Variants in ADGRA3 observed in about 807,000 individuals in gnomAD.
The protein encoded by ADGRA3 is adhesion G protein-coupled receptor A3.
Under a neutral mutation model 119.8 loss-of-function variants are expected in ADGRA3, and 56 were observed. The observed-to-expected ratio is 0.47, with a 90% CI of 0.38 to 0.58. The LOEUF (loss-of-function observed/expected upper bound fraction) is 0.58. Among genes scored for constraint, ADGRA3 ranks in the 20% least tolerant of loss-of-function variants. The probability of loss-of-function intolerance (pLI) is 0.00; values close to 1 mark genes in which losing one functional copy is unlikely to be tolerated. For missense variants in ADGRA3, 1,516 were observed against 1,649.0 expected (o/e 0.92, Z 1.40); for synonymous variants, 607 against 623.8 (o/e 0.97, Z 0.40).
chr4:22,419,740 ATAG>A (rs891285966), intron 12 of ADGRA3, among the ~76,000 whole-genome samples: 4 of 152,010 alleles, frequency 2.6e-5, no homozygotes, highest in African/African-American at 9.7e-5. Flanking sequence ...CTAGTCTTTT[ATAG>A]TATGTTTGTG....
intron 7 of ADGRA3, among the ~76,000 whole-genome samples, chr4:22,439,551 CTA>C (rs1437452170): frequency 1.3e-5 from 2 of 152,136 alleles, no homozygotes; most frequent in African/African-American, 4.8e-5. Context: ...GTCCGATCTC[CTA>C]AATCATTGAC....
At chr4:22,470,856 C>T (rs1365723308) in intron 2 of ADGRA3, among the ~76,000 whole-genome samples, 1 of 152,172 alleles carries the variant, frequency 6.6e-6, no homozygotes, top group Non-Finnish European at 1.5e-5. Flanking sequence ...CACTGAGGTA[C>T]CTGAGACTCA....
chr4:22,488,029 CG>C (rs1314739694), intron 1 of ADGRA3, among the ~76,000 whole-genome samples: 2 of 152,020 alleles, frequency 1.3e-5, no homozygotes, highest in African/African-American at 2.4e-5. Flanking sequence ...CTAGTATAAA[CG>C]TAAGTGACAA....
intron 12 of ADGRA3, among the ~76,000 whole-genome samples, chr4:22,418,049 AAAAGT>A (rs1163432723): frequency 6.6e-6 from 1 of 152,228 alleles, no homozygotes; most frequent in East Asian, 1.9e-4. Flanking sequence ...AGCCCTCAGT[AAAAGT>A]AAAGTAGTTT....
intron 10 of ADGRA3, among the ~76,000 whole-genome samples, chr4:22,429,635 G>A (rs1013313127): frequency 1.3e-5 from 2 of 151,256 alleles, no homozygotes; most frequent in Non-Finnish European, 2.9e-5. Flanking sequence ...CTGGGCAAGA[G>A]GTAGAAGGAG....
At chr4:22,415,132 T>A (rs916968833) in intron 12 of ADGRA3, among the ~76,000 whole-genome samples, 3 of 152,178 alleles carry the variant, frequency 2.0e-5, no homozygotes, top group Admixed American at 6.6e-5. Flanking sequence ...TATGAGGATT[T>A]GGGGTGCAGT....
At chr4:22,451,680 G>A (rs1001425041) in intron 4 of ADGRA3, among the ~76,000 whole-genome samples, 2 of 152,002 alleles carry the variant, frequency 1.3e-5, no homozygotes, top group Non-Finnish European at 2.9e-5. Flanking sequence ...ATCTGGCTGA[G>A]AATGCCTAGG....
chr4:22,424,085 A>C (rs1715827379), intron 11 of ADGRA3, 106 bp downstream of exon 11: 1 of 773,436 alleles, frequency 1.3e-6, no homozygotes, highest in Non-Finnish European at 1.9e-6. Context: ...ATCAGCAGTA[A>C]GAGAAGATAT....
chr4:22,467,716 T>A (rs886563385), intron 2 of ADGRA3, among the ~76,000 whole-genome samples: 2 of 152,202 alleles, frequency 1.3e-5, no homozygotes, highest in Admixed American at 6.5e-5. Flanking sequence ...TAATCAAGCA[T>A]TGCCAAAAGA....
intron 1 of ADGRA3, among the ~76,000 whole-genome samples, chr4:22,510,685 C>A (rs35111900): frequency 6.6e-6 from 1 of 152,140 alleles, no homozygotes; most frequent in Admixed American, 6.5e-5. Context: ...CCCTTCCTCC[C>A]GAATGCCTTC....
chr4:22,432,482 T>G (rs1577345076), intron 10 of ADGRA3, among the ~76,000 whole-genome samples: 1 of 152,152 alleles, frequency 6.6e-6, no homozygotes, highest in East Asian at 1.9e-4. Flanking sequence ...GATGACACTT[T>G]AAAATCAATG....
chr4:22,485,275 G>A (rs1025032185), intron 1 of ADGRA3, among the ~76,000 whole-genome samples: 2 of 111,468 alleles, frequency 1.8e-5, no homozygotes, highest in African/African-American at 2.7e-5. Context: ...GGCTGGTCTC[G>A]AACTCCTGGC....
At chr4:22,462,671 T>C (rs1292789120) in intron 2 of ADGRA3, among the ~76,000 whole-genome samples, 1 of 152,186 alleles carries the variant, frequency 6.6e-6, no homozygotes, top group East Asian at 1.9e-4. Context: ...TAAAACACAA[T>C]ATATAGCTCA....
intron 1 of ADGRA3, among the ~76,000 whole-genome samples, chr4:22,506,372 G>A (rs1719241077): frequency 6.6e-6 from 1 of 152,090 alleles, no homozygotes; most frequent in African/African-American, 2.4e-5. Context: ...AGCCAATGTG[G>A]AGAAAACCCA....
At chr4:22,408,043 G>T (rs13151905) in intron 14 of ADGRA3, among the ~76,000 whole-genome samples, 123,955 of 151,938 alleles carry the variant, frequency 0.82, 50,877 homozygotes, top group East Asian at 0.95. Context: ...AAACAAAAAT[G>T]TTAAAAGACG....
At chr4:22,414,719 T>C in intron 12 of ADGRA3, 1 of 617,076 alleles carries the variant, frequency 1.6e-6, no homozygotes, top group Admixed American at 2.8e-5. Context: ...GAAAATCTAT[T>C]GCTCAGATGT....
chr4:22,441,937 T>G (rs139703894), intron 7 of ADGRA3, among the ~76,000 whole-genome samples: 2 of 152,264 alleles, frequency 1.3e-5, no homozygotes, highest in Middle Eastern at 3.4e-3. Flanking sequence ...TCAGTAATCT[T>G]TCATAGCACC....
intron 1 of ADGRA3, among the ~76,000 whole-genome samples, chr4:22,487,023 TC>T (rs1241871562): frequency 3.9e-5 from 6 of 152,162 alleles, no homozygotes. Context: ...ATCAGCATCT[TC>T]TGGTTGAATA....
At chr4:22,437,139 T>C (rs1486127401) in intron 8 of ADGRA3, among the ~76,000 whole-genome samples, 1 of 152,202 alleles carries the variant, frequency 6.6e-6, no homozygotes, top group South Asian at 2.1e-4. Flanking sequence ...TGATAAAAGA[T>C]GTTGAATGTA....
Sources: allele counts gnomAD v4.1 joint callset (sites outside exome capture counted in the v4.1 genomes callset), GRCh38; gene constraint gnomAD v4.1.1; transcripts MANE v1.5; gene names NCBI Gene and HGNC (gene_info 2026-07-23, HGNC 2026-07-21).